The following SSH1 variants were observed in gnomAD, a reference collection of about 807,000 sequenced individuals.
SSH1 encodes the protein slingshot protein phosphatase 1.
In SSH1, 43 loss-of-function variants were observed where a neutral mutation model predicts 79.7. The observed-to-expected ratio is 0.54, with a 90% CI of 0.42 to 0.70. The LOEUF (loss-of-function observed/expected upper bound fraction) is 0.70. Among genes scored for constraint, SSH1 ranks in the 30% least tolerant of loss-of-function variants. SSH1 has a pLI of 0.00. For missense variants in SSH1, 1,206 were observed against 1,358.8 expected, an observed-to-expected ratio of 0.89 and a Z score of 1.77; for synonymous variants, 599 against 538.3, an observed-to-expected ratio of 1.11 and a Z score of -1.56.
chr12:108,800,801 T>G lies in SSH1; in HGVS notation c.1127A>C (p.Tyr376Ser), dbSNP rs763300700. The change falls in exon 12 of 15, where the codon TAT (tyrosine) becomes TCT (serine). Residue 376 changes from tyrosine to serine, a missense_variant. Physicochemically the swap from Tyr to Ser is moderately radical, Grantham distance 144. This residue lies in a region of SSH1 where 166 missense variants were observed against 262.9 expected (regional missense o/e 0.63). Coordinates refer to ENST00000326495, the MANE Select transcript of SSH1 (RefSeq NM_018984.4). Reference protein sequence around the residue: ...TDLLAHWNEAYHFINKAKRNH... With the variant: ...TDLLAHWNEASHFINKAKRNH... ...TTACTTCGCTTTGTTTATAAAATGA[T>G]ACGCTTCATTCCAGTGGGCGAGGAG... 6.2e-7 allele frequency: 1 copy of G among 1,614,172 alleles called. No homozygotes were observed. The highest frequency in any genetic ancestry group is 8.5e-7 in the Non-Finnish European group (1 of 1,180,016).
At chr12:108,790,701 G>T (rs1173401163) in intron 14 of SSH1, among the ~76,000 whole-genome samples, 1 of 152,198 alleles carries the variant, frequency 6.6e-6, no homozygotes, top group Non-Finnish European at 1.5e-5. Flanking sequence ...AGATGCAACT[G>T]CCCAGTTTTG....
At chr12:108,823,162 A>G (rs1023303320) in intron 3 of SSH1, 96 bp downstream of exon 3, 1 of 1,200,862 alleles carries the variant, frequency 8.3e-7, no homozygotes, top group African/African-American at 1.5e-5. Context: ...ACTATGTCTA[A>G]GGCCTTCAAA....
At chr12:108,801,035 G>A in intron 11 of SSH1, 109 bp from the exon 12 acceptor site, 1 of 1,129,838 alleles carries the variant, frequency 8.9e-7, no homozygotes, top group South Asian at 1.4e-5. Flanking sequence ...ATTAACCAAG[G>A]GTCATATGTT....
At chr12:108,817,425 A>C in intron 4 of SSH1, 2 of 399,388 alleles carry the variant, frequency 5.0e-6, no homozygotes, top group East Asian at 6.0e-5. Flanking sequence ...AAATACAAAA[A>C]TTAGCTGGGC....
chr12:108,825,182 A>G (rs933063339), intron 2 of SSH1, among the ~76,000 whole-genome samples: 1 of 152,238 alleles, frequency 6.6e-6, no homozygotes. Context: ...GATTTGAAGG[A>G]AAAATCCCTA....
chr12:108,798,001 A>T (rs1334659944), intron 13 of SSH1, among the ~76,000 whole-genome samples: 1 of 152,180 alleles, frequency 6.6e-6, no homozygotes, highest in Non-Finnish European at 1.5e-5. Context: ...GTATTATAAC[A>T]CACCCTCTGA....
At chr12:108,845,206 A>T (rs2038870788) in intron 2 of SSH1, among the ~76,000 whole-genome samples, 1 of 151,370 alleles carries the variant, frequency 6.6e-6, no homozygotes, top group South Asian at 2.1e-4. Flanking sequence ...AGAAAAAAAA[A>T]AAAAAAAGTA....
Position 108,805,046 on chromosome 12 carries a change from T to C in SSH1, c.954+10A>G. The C allele has an allele frequency of 1.2e-6, 2 of 1,614,090 alleles. No individual in the cohort carries two copies. The highest frequency in any genetic ancestry group is 1.7e-6 in the Non-Finnish European group (2 of 1,179,938). ...CCCAAACCAGATACTGCCAGGGCCATGCCTCTTACGAGATAAAGATGATCG... is the reference window on the plus strand; with the variant it reads ...CCCAAACCAGATACTGCCAGGGCCACGCCTCTTACGAGATAAAGATGATCG... On this transcript the variant is annotated intron_variant, in intron 10 of 14. Coordinates refer to ENST00000326495, the MANE Select transcript of SSH1 (RefSeq NM_018984.4).
chr12:108,816,754 GC>G (rs2037906857), intron 5 of SSH1, among the ~76,000 whole-genome samples: 1 of 152,186 alleles, frequency 6.6e-6, no homozygotes, highest in Admixed American at 6.5e-5. Context: ...TGGCTAAGGT[GC>G]CCCACTCTAT....
intron 5 of SSH1, chr12:108,811,551 G>A: frequency 1.7e-6 from 1 of 592,526 alleles, no homozygotes; most frequent in South Asian, 1.8e-5. Context: ...GGTGCAGTGT[G>A]GGCTGACCGC....
chr12:108,833,751 A>C (rs2038530087), intron 2 of SSH1: 1 of 152,208 alleles, frequency 6.6e-6, no homozygotes, highest in South Asian at 2.1e-4. Flanking sequence ...AACACTTAAG[A>C]TGCAGTAAGT....
At chr12:108,789,341 C>T (rs1225713254) in intron 14 of SSH1, 97 bp from the exon 15 acceptor site, 2 of 1,313,648 alleles carry the variant, frequency 1.5e-6, no homozygotes, top group Non-Finnish European at 2.1e-6. Context: ...CGAGGCCGGA[C>T]TGGGGGCCAG....
intron 6 of SSH1, among the ~76,000 whole-genome samples, chr12:108,810,846 T>C (rs532072928): frequency 2.6e-5 from 4 of 152,342 alleles, no homozygotes; most frequent in Non-Finnish European, 5.9e-5. Context: ...AACCTTGTTG[T>C]GCCTGTCAGT....
In SSH1 at chr12:108,783,642, TCA is replaced by T. The variant is rs1410347840; in HGVS notation, c.*4344_*4345del. 6.6e-6 allele frequency: 1 copy of T among 152,184 alleles called. No individual in the cohort carries two copies. Among genetic ancestry groups the T allele is most frequent in the Non-Finnish European group, 1.5e-5 (1 of 68,030 alleles). The allele number at this position is 152,184 out of a possible 1,614,324, so 9.4% of individuals were successfully genotyped here. A position where few individuals can be genotyped will look rare whatever the true frequency, so the allele number is the denominator to read the frequency against. The stretch of plus-strand genomic sequence containing the variant: ...CCAGAACCACCCAGGGCGGCACTGG[TCA>T]CAGTTTCATTCCAGATCGTTAAGGT... On this transcript the variant is annotated 3_prime_UTR_variant, in exon 15 of 15. Transcript: ENST00000326495.
intron 2 of SSH1, among the ~76,000 whole-genome samples, chr12:108,839,690 G>GAA (rs111512016): frequency 6.8e-6 from 1 of 147,810 alleles, no homozygotes; most frequent in Non-Finnish European, 1.5e-5. Context: ...AGAAAAGAAA[G>GAA]AAAAAAAAAA....
rs996145758 is a variant in SSH1, at chr12:108,840,943, C to A, written c.110+11695G>T. On this transcript the variant is annotated intron_variant, in intron 2 of 14. Transcript: ENST00000326495. ...CATAAGCGCATGACCTTGCTCTCAC[C>A]GTGGGAATAAAACTCGTGATAGTCA... 1.2e-4 allele frequency among the ~76,000 whole-genome samples: 19 copies of A among 152,250 alleles called. No individual in the cohort carries two copies. In the East Asian group the frequency reaches 3.1e-3, roughly 25 times the overall value.
chr12:108,817,290 T>G, intron 4 of SSH1, 131 bp from the exon 5 acceptor site: 2 of 1,399,926 alleles, frequency 1.4e-6, no homozygotes, highest in African/African-American at 2.8e-5. Flanking sequence ...GAGAAAATTC[T>G]TGGCTGGGCA....
At chr12:108,844,104 C>T (rs772336492) in intron 2 of SSH1, among the ~76,000 whole-genome samples, 55 of 151,982 alleles carry the variant, frequency 3.6e-4, no homozygotes, top group Non-Finnish European at 6.9e-4. Context: ...AGAAGGGGTT[C>T]GCATCATGAG....
At chr12:108,830,551 C>T (rs749261863) in intron 2 of SSH1, among the ~76,000 whole-genome samples, 5 of 152,132 alleles carry the variant, frequency 3.3e-5, no homozygotes, top group Non-Finnish European at 4.4e-5. Context: ...CATAGGTACA[C>T]GTCGATGTTT....
Sources: gnomAD v4.1 joint callset for allele counts (sites outside exome capture counted in the v4.1 genomes callset) on GRCh38, gnomAD v4.1.1 for gene constraint, gnomAD v4.1.1 regional missense constraint, MANE v1.5 for transcripts, NCBI Gene and HGNC (gene_info 2026-07-23, HGNC 2026-07-21) for gene names.